Variants in NEMF observed in about 807,000 individuals in gnomAD.
NEMF encodes the protein ribosome quality control complex subunit NEMF.
NEMF carries 89 observed loss-of-function variants against 162.2 expected under a neutral mutation model. The observed-to-expected ratio is 0.55, with a 90% CI of 0.46 to 0.65. The LOEUF is 0.65. Among genes scored for constraint, NEMF ranks in the 30% least tolerant of loss-of-function variants. The pLI is 0.00. For synonymous variants in NEMF, 421 were observed against 404.5 expected, an observed-to-expected ratio of 1.04 and a Z score of -0.49; for missense variants, 1,133 against 1,261.9, an observed-to-expected ratio of 0.90 and a Z score of 1.55.
At chr14:49,850,828 A>G (rs556973890) in intron 3 of NEMF, among the ~76,000 whole-genome samples, 4 of 152,214 alleles carry the variant, frequency 2.6e-5, no homozygotes, top group Non-Finnish European at 5.9e-5. Flanking sequence ...CAGAAAGCCA[A>G]GAATGTTAGG....
chr14:49,823,695 C>T (rs577019887), intron 16 of NEMF, among the ~76,000 whole-genome samples: 1 of 152,148 alleles, frequency 6.6e-6, no homozygotes, highest in East Asian at 1.9e-4. Flanking sequence ...AGAACTATTT[C>T]CAGAAAATGT....
At chr14:49,823,291 CAG>C (rs1892176094) in intron 16 of NEMF, among the ~76,000 whole-genome samples, 1 of 151,590 alleles carries the variant, frequency 6.6e-6, no homozygotes, top group Admixed American at 6.6e-5. Flanking sequence ...TTGGAGAAGA[CAG>C]AGACTTGCCA....
rs1892483995 is a variant in NEMF at position 49,828,659 on chromosome 14, CAAGT to C, written c.1377_1380del (p.Leu460Ter). 6.3e-7 allele frequency: 1 copy of C among 1,591,066 alleles called. No homozygotes were observed. The highest frequency in any genetic ancestry group is 8.5e-7 in the Non-Finnish European group (1 of 1,174,244). ...GCTGACAAGCTGAGATCAACATCTA[CAAGT>C]AAGGGCTTATTTTTCTGAGGCTTCT... On this transcript the variant is annotated frameshift_variant, in exon 14 of 33. Coordinates refer to ENST00000298310, the MANE Select transcript of NEMF (RefSeq NM_004713.6). LOFTEE classifies it high-confidence loss of function.
chr14:49,824,313 G>A (rs1394621281), intron 16 of NEMF, among the ~76,000 whole-genome samples: 2 of 152,182 alleles, frequency 1.3e-5, no homozygotes, highest in African/African-American at 2.4e-5. Flanking sequence ...GGGAGGCTGA[G>A]GCGGGTGGAA....
In NEMF at chr14:49,822,843, C is replaced by G. The variant is rs117568804; in HGVS notation, c.1577+3024G>C. Among the ~76,000 whole-genome samples the G allele has an allele frequency of 2.2e-3, 329 of 151,810 alleles. 10 individuals carry two copies. The East Asian group carries it at 0.058, about 27-fold the overall frequency. ...TCTGCTGAAGAGATTAACTTCTGGT[C>G]TCCTATCAGTATGTGTGGTGTGGTA... On this transcript the variant is annotated intron_variant, in intron 16 of 32. Transcript: ENST00000298310.
At chr14:49,840,575 TA>T in intron 5 of NEMF, 142 bp downstream of exon 5, 1 of 695,192 alleles carries the variant, frequency 1.4e-6, no homozygotes, top group Non-Finnish European at 2.3e-6. Context: ...GTTATCTAAG[TA>T]AAACAAAATA....
At chr14:49,809,869 A>G (rs561889524) in intron 18 of NEMF, among the ~76,000 whole-genome samples, 13 of 152,158 alleles carry the variant, frequency 8.5e-5, no homozygotes, top group African/African-American at 3.1e-4. Context: ...TCAAAAAAAG[A>G]GAGTGAACTC....
At chr14:49,834,280 C>A in intron 7 of NEMF, 83 bp downstream of exon 7, 1 of 873,356 alleles carries the variant, frequency 1.1e-6, no homozygotes, top group Non-Finnish European at 1.9e-6. Flanking sequence ...CTAGAACCAC[C>A]TGCTCCCTTA....
chr14:49,793,930 ATT>A (rs1890569435), intron 26 of NEMF, among the ~76,000 whole-genome samples: 1 of 150,386 alleles, frequency 6.6e-6, no homozygotes, highest in Non-Finnish European at 1.5e-5. Context: ...CAGATTTGTC[ATT>A]TGTTTTTTAA....
At chr14:49,794,843 C>T (rs1187759482) in intron 26 of NEMF, among the ~76,000 whole-genome samples, 3 of 151,376 alleles carry the variant, frequency 2.0e-5, no homozygotes, top group African/African-American at 4.8e-5. Context: ...CTCAGCCTCT[C>T]GAGTAGCTGG....
chr14:49,813,987 C>G lies in NEMF; in HGVS notation c.1744+1G>C. The G allele has an allele frequency of 1.4e-6, 2 of 1,464,368 alleles. No homozygotes were observed. Among genetic ancestry groups the G allele is most frequent in the Non-Finnish European group, 1.9e-6 (2 of 1,043,926 alleles). 90.7% of individuals were successfully genotyped at this position (1,464,368 alleles called of 1,614,324 possible). The stretch of plus-strand genomic sequence containing the variant: ...ATTCTGAATAGAAAGAAATATATTA[C>G]CTGTTGGATTCTTAATTACACAGCT... On this transcript the variant is annotated splice_donor_variant, in intron 18 of 32. Coordinates refer to ENST00000298310, the MANE Select transcript of NEMF (RefSeq NM_004713.6). LOFTEE classifies it high-confidence loss of function.
chr14:49,817,472 T>C (rs944864416), intron 16 of NEMF, among the ~76,000 whole-genome samples: 1 of 151,840 alleles, frequency 6.6e-6, no homozygotes, highest in Non-Finnish European at 1.5e-5. Context: ...AAAAAAGATA[T>C]ACCATGTAAA....
intron 26 of NEMF, among the ~76,000 whole-genome samples, chr14:49,793,249 G>T (rs1232129920): frequency 3.9e-5 from 6 of 152,032 alleles, no homozygotes; most frequent in Non-Finnish European, 8.8e-5. Flanking sequence ...TAGAAGAAAA[G>T]CCATAATTTG....
At chr14:49,790,043 C>G (rs563815136) in intron 26 of NEMF, among the ~76,000 whole-genome samples, 4 of 152,160 alleles carry the variant, frequency 2.6e-5, no homozygotes, top group Non-Finnish European at 5.9e-5. Flanking sequence ...CCCCAAATCA[C>G]TCTAGGGGTT....
intron 8 of NEMF, 70 bp from the exon 9 acceptor site, chr14:49,832,347 T>G (rs1594787462): frequency 1.3e-6 from 1 of 777,676 alleles, no homozygotes. Context: ...TTTTTTTTTT[T>G]GATACAGTCG....
At chr14:49,843,198 T>C (rs930710751) in intron 4 of NEMF, among the ~76,000 whole-genome samples, 1 of 151,470 alleles carries the variant, frequency 6.6e-6, no homozygotes, top group African/African-American at 2.4e-5. Flanking sequence ...ACAGACATTA[T>C]ATATTGAATA....
intron 4 of NEMF, among the ~76,000 whole-genome samples, chr14:49,844,122 CA>C (rs1030392945): frequency 4.8e-5 from 7 of 144,542 alleles, no homozygotes; most frequent in South Asian, 2.2e-4. Context: ...CAAAACAAAA[CA>C]AAAAAAAAAC....
chr14:49,831,989 G>C, intron 10 of NEMF, 62 bp downstream of exon 10: 2 of 1,093,008 alleles, frequency 1.8e-6, no homozygotes, highest in Non-Finnish European at 2.6e-6. Context: ...ATAGAAGCAA[G>C]TTGATATCAA....
intron 26 of NEMF, among the ~76,000 whole-genome samples, chr14:49,790,144 T>C (rs1179317692): frequency 6.6e-6 from 1 of 152,198 alleles, no homozygotes; most frequent in Non-Finnish European, 1.5e-5. Context: ...TTGAAAATTG[T>C]AAATTTGTGT....
Sources: allele counts gnomAD v4.1 joint callset (sites outside exome capture counted in the v4.1 genomes callset), GRCh38; gene constraint gnomAD v4.1.1; transcripts MANE v1.5; gene names NCBI Gene and HGNC (gene_info 2026-07-23, HGNC 2026-07-21).